The following RPS4Y1 variants were observed in gnomAD, a reference collection of about 807,000 sequenced individuals.
RPS4Y1 encodes the protein ribosomal protein S4 Y-linked 1.
For synonymous variants in RPS4Y1, 23 were observed against 20.8 expected (o/e 1.10, Z -0.28); for missense variants, 30 against 60.9 (o/e 0.49, Z 1.69).
rs781759261 is a variant in RPS4Y1, at chrY:2,846,275, C to G, written c.360+532C>G. On this transcript the variant is annotated intron_variant, in intron 4 of 6. Coordinates refer to ENST00000250784, the MANE Select transcript of RPS4Y1 (RefSeq NM_001008.4). The stretch of plus-strand genomic sequence containing the variant: ...ATGGCTGAAGTTTCAAGGAAACTTT[C>G]AAGGGAGTTGCTTTCTGTGTGGACA... 3.3e-4 allele frequency among the ~76,000 whole-genome samples: 11 copies of G among 33,620 alleles called. No homozygotes were observed. In the East Asian group the frequency reaches 7.2e-3, roughly 22 times the overall value. The allele number at this position is 33,620 out of a possible 37,273, so 90.2% of individuals were successfully genotyped here. A position where few individuals can be genotyped will look rare whatever the true frequency, so the allele number is the denominator to read the frequency against.
intron 4 of RPS4Y1, among the ~76,000 whole-genome samples, chrY:2,852,195 A>G: frequency 5.9e-5 from 2 of 33,747 alleles, no homozygotes; most frequent in Non-Finnish European, 1.5e-4. Flanking sequence ...TTTTGTTTGT[A>G]TGCAAGCAGG....
At chrY:2,860,200 ATC>A (rs2051162678) in intron 5 of RPS4Y1, among the ~76,000 whole-genome samples, 1 of 33,750 alleles carries the variant, frequency 3.0e-5, no homozygotes, top group Admixed American at 2.7e-4. Flanking sequence ...TCTGTAAAGA[ATC>A]TCTATTAAAA....
intron 5 of RPS4Y1, among the ~76,000 whole-genome samples, chrY:2,858,043 C>T: frequency 3.0e-5 from 1 of 33,376 alleles, no homozygotes; most frequent in African/African-American, 1.2e-4. Flanking sequence ...TTCCTTCCCA[C>T]ACTTTGCTGT....
chrY:2,841,787 G>A, intron 1 of RPS4Y1, 160 bp downstream of exon 1: 1 of 234,451 alleles, frequency 4.3e-6, no homozygotes. Context: ...GGGGAGGTCT[G>A]AGAAGAGTGT....
intron 1 of RPS4Y1, 29 bp downstream of exon 1, chrY:2,841,656 A>G (rs541327078): frequency 2.6e-6 from 1 of 385,029 alleles, no homozygotes; most frequent in Non-Finnish European, 3.7e-6. Flanking sequence ...AACTCCTAGT[A>G]TATCTGCCTC....
chrY:2,860,847 T>G (rs781374671), intron 5 of RPS4Y1, among the ~76,000 whole-genome samples: 1 of 33,752 alleles, frequency 3.0e-5, no homozygotes, highest in African/African-American at 1.2e-4. Flanking sequence ...TAGTTGGAGT[T>G]CAGCTTCTTG....
chrY:2,857,852 A>T, intron 5 of RPS4Y1, among the ~76,000 whole-genome samples: 2 of 34,179 alleles, frequency 5.9e-5, no homozygotes, highest in African/African-American at 2.3e-4. Context: ...GCTGCTGGGG[A>T]CACAGCGGTG....
chrY:2,858,202 G>C (rs2051161248), intron 5 of RPS4Y1, among the ~76,000 whole-genome samples: 1 of 32,641 alleles, frequency 3.1e-5, no homozygotes, highest in East Asian at 7.9e-4. Flanking sequence ...TGTCTTTGGA[G>C]AAAGGTTTTA....
chrY:2,842,267 GTTTT>G (rs765232571), intron 2 of RPS4Y1, 25 bp downstream of exon 2: 1 of 339,384 alleles, frequency 2.9e-6, no homozygotes, highest in East Asian at 9.6e-5. Flanking sequence ...GTTTTTTGTG[GTTTT>G]TTTTTGTTTT....
intron 6 of RPS4Y1, among the ~76,000 whole-genome samples, chrY:2,865,975 G>A (rs2051167367): frequency 8.9e-5 from 3 of 33,533 alleles, no homozygotes; most frequent in Non-Finnish European, 2.2e-4. Context: ...TCTGCCTCCC[G>A]GGTTCACGCC....
chrY:2,848,972 C>T (rs2124489747), intron 4 of RPS4Y1, among the ~76,000 whole-genome samples: 1 of 31,947 alleles, frequency 3.1e-5, no homozygotes, highest in Non-Finnish European at 7.6e-5. Flanking sequence ...TCGTCTGAGT[C>T]TCTGAAGCCC....
intron 5 of RPS4Y1, among the ~76,000 whole-genome samples, chrY:2,857,662 C>A (rs2051160925): frequency 2.9e-5 from 1 of 34,243 alleles, no homozygotes; most frequent in East Asian, 7.7e-4. Flanking sequence ...GGTGATCCAC[C>A]CTCTTTGGCC....
chrY:2,859,067 C>G, intron 5 of RPS4Y1, among the ~76,000 whole-genome samples: 1 of 33,374 alleles, frequency 3.0e-5, no homozygotes, highest in Non-Finnish European at 7.4e-5. Flanking sequence ...TTGTCTGACC[C>G]AAGTTTGGTC....
intron 2 of RPS4Y1, among the ~76,000 whole-genome samples, chrY:2,842,788 C>T: frequency 6.1e-5 from 2 of 32,768 alleles, no homozygotes; most frequent in Non-Finnish European, 1.5e-4. Context: ...AGTAGGCAAG[C>T]ATCTCACAAG....
chrY:2,854,776 G>GT lies in RPS4Y1; in HGVS notation c.532+15dup, dbSNP rs754245838. 3 of 313,837 alleles carry GT rather than the reference G, an allele frequency of 9.6e-6. No individual in the cohort carries two copies. Among genetic ancestry groups the GT allele is most frequent in the South Asian group, 8.0e-5 (2 of 24,929 alleles). 78.3% of individuals were successfully genotyped at this position (313,837 alleles called of 400,897 possible). A position where few individuals can be genotyped will look rare whatever the true frequency, so the allele number is the denominator to read the frequency against. ...ACTTTATCAAATTTGATACAGGTAA[G>GT]TTTTTTTTTTCCCTTGTGTTGTCTG... On this transcript the variant is annotated splice_donor_region_variant and intron_variant, in intron 5 of 6. Coordinates refer to ENST00000250784, the MANE Select transcript of RPS4Y1 (RefSeq NM_001008.4).
chrY:2,860,440 A>G, intron 5 of RPS4Y1, among the ~76,000 whole-genome samples: 2 of 33,089 alleles, frequency 6.0e-5, no homozygotes, highest in African/African-American at 2.4e-4. Flanking sequence ...TCACCAATAG[A>G]CTGGACCTGA....
In RPS4Y1 at chrY:2,849,426, T is replaced by C; in HGVS notation, c.360+3683T>C. ...TTGCAGGACTCAATCCGAACTCTGA[T>C]TCCTTTACCACATAGAGGCTGAGCC... On this transcript the variant is annotated intron_variant, in intron 4 of 6. Transcript: ENST00000250784. 8.9e-5 allele frequency among the ~76,000 whole-genome samples: 3 copies of C among 33,544 alleles called. No individual in the cohort carries two copies. The South Asian group carries it at 2.0e-3, about 23-fold the overall frequency. The allele number at this position is 33,544 out of a possible 37,273, so 90.0% of individuals were successfully genotyped here.
At chrY:2,859,096 TTACTA>T in intron 5 of RPS4Y1, among the ~76,000 whole-genome samples, 1 of 33,909 alleles carries the variant, frequency 2.9e-5, no homozygotes, top group Admixed American at 2.7e-4. Flanking sequence ...TCTCTTTTGC[TTACTA>T]TTTGCCTGGA....
At chrY:2,861,249 C>G (rs2051163370) in intron 5 of RPS4Y1, among the ~76,000 whole-genome samples, 1 of 32,680 alleles carries the variant, frequency 3.1e-5, no homozygotes, top group Admixed American at 2.8e-4. Flanking sequence ...GGTTGTTTTT[C>G]TGATTTTGTT....
Sources: allele counts gnomAD v4.1 joint callset (sites outside exome capture counted in the v4.1 genomes callset), GRCh38; gene constraint gnomAD v4.1.1; transcripts MANE v1.5; gene names NCBI Gene and HGNC (gene_info 2026-07-23, HGNC 2026-07-21).